Variants in USP15 observed in about 807,000 individuals in gnomAD.
The protein encoded by USP15 is ubiquitin carboxyl-terminal hydrolase 15.
A neutral mutation model predicts 127.1 loss-of-function variants in USP15; 18 were observed. The ratio of observed to expected loss-of-function variants is 0.14; its 90% confidence interval spans 0.10 to 0.21. USP15 has a LOEUF of 0.21. Among genes scored for constraint, USP15 ranks in the 10% least tolerant of loss-of-function variants. USP15 has a pLI of 1.00. For missense variants in USP15, 805 were observed against 1,159.9 expected (o/e 0.69, Z 4.44); for synonymous variants, 364 against 393.7 (o/e 0.92, Z 0.89).
chr12:62,360,622 C>T (rs1190038125), intron 8 of USP15, among the ~76,000 whole-genome samples: 9 of 151,992 alleles, frequency 5.9e-5, no homozygotes, highest in African/African-American at 2.2e-4. Flanking sequence ...CAGTTTAACA[C>T]TAAACCTTCT....
In USP15 at chr12:62,393,101, T is replaced by C; in HGVS notation, c.2469T>C (p.Asp823=). 1 of 1,613,850 alleles carries C rather than the reference T, an allele frequency of 6.2e-7. No homozygotes were observed. The highest frequency in any genetic ancestry group is 8.5e-7 in the Non-Finnish European group (1 of 1,179,862). Residue 823 remains aspartate (D), a synonymous_variant, in exon 19 of 22, where the codon GAT becomes GAC. Transcript: ENST00000280377. The part of the protein sequence containing the change: ...KEHQQATKKL[D]LWSLPPVLVV... The stretch of plus-strand genomic sequence containing the variant: ...ATCAGCAAGCCACAAAGAAATTGGA[T>C]TTATGGTCCCTGCCTCCAGTACTTG...
At chr12:62,328,509 C>A (rs911664731) in intron 6 of USP15, 3 of 204,264 alleles carry the variant, frequency 1.5e-5, no homozygotes, top group South Asian at 7.0e-5. Context: ...CAAAAATTAA[C>A]TTAATTAAAA....
Position 62,384,249 on chromosome 12 carries a change from C to T in USP15, c.1420C>T (p.Arg474Cys), listed in dbSNP as rs1356295584. ...ACTTCCATTGCCCATGAAAAAAGAA[C>T]GCACCTTGGAAGTTTACTTAGTTAG... ...LTLPLPMKKE[R>C]TLEVYLVRMD... The change falls in exon 11 of 22, where the codon CGC (arginine) becomes TGC (cysteine). Residue 474 changes from arginine to cysteine, a missense_variant. By Grantham distance (180) the Arg-to-Cys change is radical. Transcript: ENST00000280377. 5 of 1,611,472 alleles carry T rather than the reference C, an allele frequency of 3.1e-6. No individual in the cohort carries two copies. Among genetic ancestry groups the T allele is most frequent in the Non-Finnish European group, 4.2e-6 (5 of 1,178,898 alleles).
At chr12:62,273,369 G>T (rs1225881148) in intron 1 of USP15, among the ~76,000 whole-genome samples, 1 of 151,838 alleles carries the variant, frequency 6.6e-6, no homozygotes, top group Admixed American at 6.6e-5. Context: ...TCCTCCACTG[G>T]ACTCTTGAAC....
chr12:62,332,620 G>T (rs10784291), intron 6 of USP15, among the ~76,000 whole-genome samples: 131,798 of 152,214 alleles, frequency 0.87, 57,445 homozygotes, highest in African/African-American at 0.96. Flanking sequence ...CTTAAGTATT[G>T]GGTGGAAAAA....
chr12:62,392,012 T>G (rs1490800844), intron 17 of USP15, 126 bp downstream of exon 17: 2 of 1,052,994 alleles, frequency 1.9e-6, no homozygotes, highest in Middle Eastern at 2.1e-4. Flanking sequence ...CAGTAAAAAA[T>G]TGGTCATGAA....
chr12:62,324,143 T>C (rs1174679145), intron 5 of USP15, among the ~76,000 whole-genome samples: 2 of 152,044 alleles, frequency 1.3e-5, no homozygotes, highest in Non-Finnish European at 2.9e-5. Context: ...TTGAAATCTT[T>C]TCAAAAATAT....
chr12:62,321,773 T>A (rs1271726026), intron 5 of USP15, among the ~76,000 whole-genome samples, 164 bp downstream of exon 5: 3 of 152,154 alleles, frequency 2.0e-5, no homozygotes, highest in Admixed American at 2.0e-4. Flanking sequence ...GACTTTTGAT[T>A]CCCTCCTTGA....
intron 1 of USP15, among the ~76,000 whole-genome samples, chr12:62,269,337 T>C (rs1449560738): frequency 1.3e-5 from 2 of 151,880 alleles, no homozygotes; most frequent in Non-Finnish European, 2.9e-5. Context: ...TATATATGTG[T>C]GTGTGTATAA....
chr12:62,335,387 T>G (rs1490473860), intron 6 of USP15: 2 of 1,404,838 alleles, frequency 1.4e-6, no homozygotes, highest in African/African-American at 1.4e-5. Context: ...CAGTAATGTC[T>G]GCAACAGTAT....
intron 4 of USP15, among the ~76,000 whole-genome samples, chr12:62,319,262 G>A (rs1389413998): frequency 6.6e-6 from 1 of 152,162 alleles, no homozygotes; most frequent in Non-Finnish European, 1.5e-5. Flanking sequence ...CATGGGAACA[G>A]CAAGGGGGAA....
At chr12:62,280,146 T>C (rs2063607355) in intron 1 of USP15, among the ~76,000 whole-genome samples, 3 of 152,120 alleles carry the variant, frequency 2.0e-5, no homozygotes, top group African/African-American at 7.2e-5. Flanking sequence ...GATTTTGTTA[T>C]TAAACTTAAT....
intron 4 of USP15, among the ~76,000 whole-genome samples, chr12:62,319,456 ACTC>A (rs2064924297): frequency 1.3e-5 from 2 of 152,110 alleles, no homozygotes; most frequent in South Asian, 4.1e-4. Context: ...TCTCTTCCCA[ACTC>A]CTCAATAGCT....
At chr12:62,278,472 T>C (rs2063555634) in intron 1 of USP15, among the ~76,000 whole-genome samples, 1 of 152,200 alleles carries the variant, frequency 6.6e-6, no homozygotes, top group Admixed American at 6.5e-5. Flanking sequence ...GGCAGCACAG[T>C]AGGTCTGTTT....
intron 6 of USP15, among the ~76,000 whole-genome samples, chr12:62,345,353 A>G (rs1592635901): frequency 1.3e-5 from 2 of 152,274 alleles, no homozygotes; most frequent in African/African-American, 4.8e-5. Context: ...CCAGTTCACA[A>G]GTTCCTCATT....
At chr12:62,351,873 G>T (rs1243825519) in intron 7 of USP15, among the ~76,000 whole-genome samples, 1 of 150,974 alleles carries the variant, frequency 6.6e-6, no homozygotes, top group South Asian at 2.1e-4. Flanking sequence ...TTAAGCATTC[G>T]TAAAATGGAA....
intron 14 of USP15, among the ~76,000 whole-genome samples, chr12:62,390,538 C>G (rs185285043): frequency 6.6e-6 from 1 of 152,070 alleles, no homozygotes; most frequent in Non-Finnish European, 1.5e-5. Context: ...AGTTTCATAA[C>G]CCATATATAA....
intron 3 of USP15, among the ~76,000 whole-genome samples, chr12:62,304,182 A>G (rs2064408363): frequency 6.6e-6 from 1 of 152,180 alleles, no homozygotes; most frequent in African/African-American, 2.4e-5. Flanking sequence ...TACTCTTTGA[A>G]ATAGTCCTCA....
At chr12:62,267,546 AT>A (rs1383742769) in intron 1 of USP15, among the ~76,000 whole-genome samples, 1 of 152,106 alleles carries the variant, frequency 6.6e-6, no homozygotes, top group African/African-American at 2.4e-5. Context: ...GAAAAGAGTA[AT>A]GATGCCTTTT....
Sources: allele counts gnomAD v4.1 joint callset (sites outside exome capture counted in the v4.1 genomes callset), GRCh38; gene constraint gnomAD v4.1.1; transcripts MANE v1.5; gene names NCBI Gene and HGNC (gene_info 2026-07-23, HGNC 2026-07-21).